Variants in KIAA1549 observed in about 807,000 individuals in gnomAD.
KIAA1549 encodes the protein UPF0606 protein KIAA1549.
In KIAA1549, 70 loss-of-function variants were observed where a neutral mutation model predicts 156.4. That is an observed-to-expected ratio of 0.45 (90% CI 0.37 to 0.55). The LOEUF is 0.55. Ranked by LOEUF, KIAA1549 falls within the 20% of genes least tolerant of loss-of-function variation. The probability of loss-of-function intolerance (pLI) is 0.00; values close to 1 mark genes in which losing one functional copy is unlikely to be tolerated. For synonymous variants in KIAA1549, 1,103 were observed against 1,066.4 expected (o/e 1.03, Z -0.67); for missense variants, 2,428 against 2,540.9 (o/e 0.96, Z 0.96).
chr7:138,835,182 G>T lies in KIAA1549; in HGVS notation c.*2724C>A, dbSNP rs575127650. Reference sequence around the variant, plus strand: ...GACGTGAACTTAATGTCTGAAGACCGCTAGGGTACGGTGCTGCTCACACAG... The same window carrying T: ...GACGTGAACTTAATGTCTGAAGACCTCTAGGGTACGGTGCTGCTCACACAG... On this transcript the variant is annotated 3_prime_UTR_variant, in exon 20 of 20. Coordinates refer to ENST00000422774, the MANE Select transcript of KIAA1549 (RefSeq NM_001164665.2). 0.015 allele frequency: 3,279 copies of T among 218,336 alleles called. 114 individuals are homozygous for T. The highest frequency in any genetic ancestry group is 0.069 in the African/African-American group (3,068 of 44,530). 13.5% of individuals were successfully genotyped at this position (218,336 alleles called of 1,614,324 possible).
chr7:138,948,592 T>C (rs1563089878), intron 1 of KIAA1549, among the ~76,000 whole-genome samples: 2 of 152,178 alleles, frequency 1.3e-5, no homozygotes, highest in South Asian at 2.1e-4. Flanking sequence ...ACTGTTTTTA[T>C]GGGGTAATGA....
intron 15 of KIAA1549, among the ~76,000 whole-genome samples, chr7:138,865,584 T>A (rs982569077): frequency 6.6e-6 from 1 of 152,150 alleles, no homozygotes; most frequent in Non-Finnish European, 1.5e-5. Context: ...GGAAGATTTT[T>A]ATTTTGGGGC....
At chr7:138,948,714 T>C (rs1355325144) in intron 1 of KIAA1549, among the ~76,000 whole-genome samples, 2 of 148,004 alleles carry the variant, frequency 1.4e-5, no homozygotes, top group African/African-American at 2.5e-5. Context: ...TTTTTTGAGA[T>C]AGAGTTTCGC....
intron 1 of KIAA1549, among the ~76,000 whole-genome samples, chr7:138,941,169 T>C (rs1203018981): frequency 6.6e-6 from 1 of 152,216 alleles, no homozygotes; most frequent in Non-Finnish European, 1.5e-5. Context: ...ATGTTATTTG[T>C]GTTTTGTAAG....
At position 138,832,195 on chromosome 7, in the gene KIAA1549, T is replaced by A; in HGVS notation, c.*5711A>T. 1 of 192,682 alleles carries A rather than the reference T, an allele frequency of 5.2e-6. No individual in the cohort carries two copies. Among genetic ancestry groups the A allele is most frequent in the Non-Finnish European group, 1.0e-5 (1 of 96,606 alleles). 11.9% of individuals were successfully genotyped at this position (192,682 alleles called of 1,614,324 possible). Reference sequence around the variant, plus strand: ...CTCTGTCCCTTTTACCTATTCCTTTTTTTTTTTTTTTTTTTTCCAGAGACA... The same window carrying A: ...CTCTGTCCCTTTTACCTATTCCTTTATTTTTTTTTTTTTTTTCCAGAGACA... On this transcript the variant is annotated 3_prime_UTR_variant, in exon 20 of 20. Transcript: ENST00000422774.
intron 18 of KIAA1549, among the ~76,000 whole-genome samples, chr7:138,843,501 C>A (rs1809981637): frequency 6.6e-6 from 1 of 152,052 alleles, no homozygotes; most frequent in African/African-American, 2.4e-5. Context: ...TCATAATTTT[C>A]TATAGTTAAA....
chr7:138,934,837 T>A (rs538809107), intron 1 of KIAA1549, among the ~76,000 whole-genome samples: 1 of 152,236 alleles, frequency 6.6e-6, no homozygotes, highest in South Asian at 2.1e-4. Context: ...AAATGATGAA[T>A]GGCCATGATA....
intron 1 of KIAA1549, among the ~76,000 whole-genome samples, chr7:138,935,361 TTTTGC>T (rs1184134342): frequency 6.6e-6 from 1 of 152,216 alleles, no homozygotes; most frequent in African/African-American, 2.4e-5. Flanking sequence ...TTTTGCTTTG[TTTTGC>T]TTTATTCTTT....
intron 1 of KIAA1549, among the ~76,000 whole-genome samples, chr7:138,923,101 G>A (rs1812608947): frequency 6.6e-6 from 1 of 152,208 alleles, no homozygotes; most frequent in Non-Finnish European, 1.5e-5. Flanking sequence ...GAAGCCAGGT[G>A]ACAATGAAAC....
In KIAA1549 at chr7:138,837,649, T is replaced by C. The variant is rs958217488; in HGVS notation, c.*257A>G. ...TTAGCTTAGGTTTGTGTTTTGTTTTTGTGAAGTGCTGCTGGCTTTTGGCCA... is the reference window on the plus strand; with the variant it reads ...TTAGCTTAGGTTTGTGTTTTGTTTTCGTGAAGTGCTGCTGGCTTTTGGCCA... On this transcript the variant is annotated 3_prime_UTR_variant, in exon 20 of 20. Transcript: ENST00000422774. The C allele has an allele frequency of 5.4e-6, 3 of 559,798 alleles. No homozygotes were observed. Among genetic ancestry groups the C allele is most frequent in the African/African-American group, 3.7e-5 (2 of 53,386 alleles). 34.7% of individuals were successfully genotyped at this position (559,798 alleles called of 1,614,324 possible).
At chr7:138,892,201 C>T (rs1015689433) in intron 10 of KIAA1549, among the ~76,000 whole-genome samples, 1 of 152,204 alleles carries the variant, frequency 6.6e-6, no homozygotes, top group Non-Finnish European at 1.5e-5. Flanking sequence ...TTTACAGCCA[C>T]ATCTGGGACT....
chr7:138,960,594 G>A (rs925180815), intron 1 of KIAA1549, among the ~76,000 whole-genome samples: 5 of 152,112 alleles, frequency 3.3e-5, no homozygotes, highest in African/African-American at 4.8e-5. Flanking sequence ...ACAGGCATGA[G>A]CCACTGTGAC....
chr7:138,840,792 C>T (rs1373590084), intron 18 of KIAA1549, among the ~76,000 whole-genome samples: 1 of 152,172 alleles, frequency 6.6e-6, no homozygotes, highest in East Asian at 1.9e-4. Context: ...GTGAGGGTGA[C>T]CCCTCCTCCC....
intron 5 of KIAA1549, among the ~76,000 whole-genome samples, chr7:138,908,194 C>T (rs1812063826): frequency 7.2e-6 from 1 of 138,778 alleles, no homozygotes; most frequent in Non-Finnish European, 1.6e-5. Context: ...AGCACGAAAG[C>T]AAAGCACCGA....
At chr7:138,838,792 C>T (rs1006705895) in intron 19 of KIAA1549, among the ~76,000 whole-genome samples, 1 of 152,130 alleles carries the variant, frequency 6.6e-6, no homozygotes, top group African/African-American at 2.4e-5. Flanking sequence ...ACATGACATT[C>T]CAGCTCTAGG....
chr7:138,842,123 C>G (rs1196819140), intron 18 of KIAA1549, among the ~76,000 whole-genome samples: 1 of 152,200 alleles, frequency 6.6e-6, no homozygotes, highest in Non-Finnish European at 1.5e-5. Flanking sequence ...GCGCGGTGTT[C>G]CCTGTTTCCA....
intron 1 of KIAA1549, among the ~76,000 whole-genome samples, chr7:138,977,655 A>AACACACACACACACACACACAC (rs10625706): frequency 4.2e-4 from 62 of 146,914 alleles, no homozygotes; most frequent in African/African-American, 1.5e-3. Context: ...TACTCAAGAA[A>AACACACACACACACACACACAC]ACACACACAC....
chr7:138,905,744 A>G (rs1203408944), intron 6 of KIAA1549, among the ~76,000 whole-genome samples: 1 of 150,968 alleles, frequency 6.6e-6, no homozygotes, highest in Non-Finnish European at 1.5e-5. Context: ...CCTTTCCCCC[A>G]CTGCCTCCAT....
At chr7:138,924,255 G>A (rs1249779046) in intron 1 of KIAA1549, among the ~76,000 whole-genome samples, 3 of 146,956 alleles carry the variant, frequency 2.0e-5, no homozygotes, top group African/African-American at 7.6e-5. Flanking sequence ...AACGTAAGAA[G>A]TAATAAAATC....
Sources: gnomAD v4.1 joint callset for allele counts (sites outside exome capture counted in the v4.1 genomes callset) on GRCh38, gnomAD v4.1.1 for gene constraint, MANE v1.5 for transcripts, NCBI Gene and HGNC (gene_info 2026-07-23, HGNC 2026-07-21) for gene names.